OR51B5: variants seen among roughly 807,000 people sequenced by gnomAD.
OR51B5 encodes the protein olfactory receptor family 51 subfamily B member 5, also known as olfactory receptor 51B5.
For synonymous variants in OR51B5, 186 were observed against 144.8 expected, an observed-to-expected ratio of 1.28 and a Z score of -2.04; for missense variants, 456 against 374.6, an observed-to-expected ratio of 1.22 and a Z score of -1.79.
intron 1 of OR51B5, chr11:5,431,388 T>C: frequency 8.3e-6 from 2 of 240,444 alleles, no homozygotes; most frequent in Non-Finnish European, 1.6e-5. Context: ...GACGCCCACC[T>C]CAGTGACAGC....
At chr11:5,388,938 T>A (rs989199405) in intron 1 of OR51B5, among the ~76,000 whole-genome samples, 4 of 152,150 alleles carry the variant, frequency 2.6e-5, no homozygotes, top group Non-Finnish European at 5.9e-5. Context: ...AAACATGACA[T>A]TTGACTTGAG....
At chr11:5,477,944 G>A (rs1038372822) in intron 1 of OR51B5, among the ~76,000 whole-genome samples, 4 of 151,894 alleles carry the variant, frequency 2.6e-5, no homozygotes, top group South Asian at 2.1e-4. Context: ...AGGGGCGCCC[G>A]CCATTGCCCA....
Position 5,381,021 on chromosome 11 carries a change from C to T in OR51B5, n.85-34111G>A, listed in dbSNP as rs191505913. On this transcript the variant is annotated intron_variant and non_coding_transcript_variant, in intron 1 of 4. Transcript: ENST00000415970. ...GAAGGAATCTCCTACTTCACCAAGC[C>T]TGGCTCAGTGGGCTGGCTAGGTATC... 8.1e-3 allele frequency among the ~76,000 whole-genome samples: 1,231 copies of T among 152,200 alleles called. 9 individuals are homozygous for T. The highest frequency in any genetic ancestry group is 0.012 in the Non-Finnish European group (787 of 68,014).
downstream of OR51B5, among the ~76,000 whole-genome samples, chr11:5,341,586 A>G (rs1284886218): frequency 6.6e-6 from 1 of 152,228 alleles, no homozygotes; most frequent in Non-Finnish European, 1.5e-5. Context: ...TTCCTAACTC[A>G]TCAGACAATT....
rs779940856 is a variant in OR51B5 at position 5,422,592 on chromosome 11, C to CGAGG, written n.85-75683_85-75682insCCTC. 3.7e-6 allele frequency: 6 copies of CGAGG among 1,613,944 alleles called. No homozygotes were observed. The African/African-American group carries it at 6.7e-5, about 18-fold the overall frequency. On this transcript the variant is annotated intron_variant and non_coding_transcript_variant, in intron 1 of 4. Coordinates refer to the OR51B5 transcript ENST00000415970. ...GACTGCTATGTGGCCATCTGCTGTC[C>CGAGG]CCTCCATTATGCCTCCATCCTCACC...
chr11:5,455,565 G>GAC (rs1850940373), intron 1 of OR51B5: 1 of 11,106 alleles, frequency 9.0e-5, no homozygotes, highest in Non-Finnish European at 2.9e-4. Context: ...AAGAAGGGGG[G>GAC]AGAGAGAGAG....
At chr11:5,408,844 T>G (rs925645226) in intron 1 of OR51B5, among the ~76,000 whole-genome samples, 1 of 152,180 alleles carries the variant, frequency 6.6e-6, no homozygotes, top group Non-Finnish European at 1.5e-5. Flanking sequence ...CCCTACTTCC[T>G]GAAAGCATTT....
At position 5,403,867 on chromosome 11, in the gene OR51B5, A is replaced by C. The variant is rs551247296; in HGVS notation, n.85-56957T>G. ...TGAGGAAAAGGCACCTGGGAGTTAG[A>C]AGGTGTAATGGGAAATCTATTGAGC... On this transcript the variant is annotated intron_variant and non_coding_transcript_variant, in intron 1 of 4. Coordinates refer to the OR51B5 transcript ENST00000415970. Among the ~76,000 whole-genome samples, 7 of 152,206 alleles carry C rather than the reference A, an allele frequency of 4.6e-5. No homozygotes were observed. In the South Asian group the frequency reaches 1.5e-3, roughly 32 times the overall value.
chr11:5,349,946 CTTTA>C (rs1218169299), intron 1 of OR51B5, among the ~76,000 whole-genome samples: 12 of 151,986 alleles, frequency 7.9e-5, no homozygotes, highest in Admixed American at 5.9e-4. Flanking sequence ...AGTTTAATAT[CTTTA>C]TTTAAAGTCA....
At chr11:5,420,645 C>A (rs1377250646) in intron 1 of OR51B5, among the ~76,000 whole-genome samples, 1 of 130,276 alleles carries the variant, frequency 7.7e-6, no homozygotes, top group Admixed American at 7.6e-5. Flanking sequence ...TCTATTGCTG[C>A]TATTTACAAA....
chr11:5,343,831 GTTACC>G (rs1374706884), upstream of OR51B5, among the ~76,000 whole-genome samples: 8 of 152,236 alleles, frequency 5.3e-5, no homozygotes, highest in African/African-American at 1.7e-4. Flanking sequence ...CTTCTAAACT[GTTACC>G]CTTAACTATG....
chr11:5,349,128 C>T (rs1849036797), intron 1 of OR51B5, among the ~76,000 whole-genome samples: 1 of 152,100 alleles, frequency 6.6e-6, no homozygotes, highest in African/African-American at 2.4e-5. Flanking sequence ...GGGTGAATGG[C>T]TGCAGGGATG....
chr11:5,467,423 A>T (rs192364383), intron 1 of OR51B5, among the ~76,000 whole-genome samples: 74 of 152,348 alleles, frequency 4.9e-4, no homozygotes, highest in Admixed American at 1.4e-3. Flanking sequence ...CTATGAGGAA[A>T]AAAAATTATT....
intron 1 of OR51B5, among the ~76,000 whole-genome samples, chr11:5,478,148 A>T (rs910690947): frequency 6.6e-6 from 1 of 151,388 alleles, no homozygotes; most frequent in Non-Finnish European, 1.5e-5. Flanking sequence ...TTCTCCCAGC[A>T]AGCAGCTGGA....
intron 1 of OR51B5, chr11:5,440,637 A>G: frequency 3.7e-6 from 6 of 1,613,824 alleles, no homozygotes; most frequent in Non-Finnish European, 5.1e-6. Flanking sequence ...CACACTGTAG[A>G]TGATAGGGTT....
At chr11:5,406,169 C>A (rs1264438070) in intron 1 of OR51B5, among the ~76,000 whole-genome samples, 1 of 152,136 alleles carries the variant, frequency 6.6e-6, no homozygotes, top group Non-Finnish European at 1.5e-5. Flanking sequence ...AATTCTCAGC[C>A]TTCTTAAATA....
At chr11:5,374,328 C>T (rs971412590) in intron 1 of OR51B5, among the ~76,000 whole-genome samples, 11 of 152,154 alleles carry the variant, frequency 7.2e-5, no homozygotes, top group South Asian at 4.2e-4. Flanking sequence ...AAAAACCCAT[C>T]GGTACATCAC....
rs184162320 is a variant in OR51B5, at chr11:5,411,090, C to A, written n.85-64180G>T. The stretch of plus-strand genomic sequence containing the variant: ...CCAGTGTTTATAAAGTCCATAATAG[C>A]AAACAGTAATGTCCTAGGACTTTTC... On this transcript the variant is annotated intron_variant and non_coding_transcript_variant, in intron 1 of 4. Transcript: ENST00000415970. 3.3e-3 allele frequency among the ~76,000 whole-genome samples: 506 copies of A among 152,248 alleles called. 5 individuals are homozygous for A. Among genetic ancestry groups the A allele is most frequent in the African/African-American group, 0.012 (495 of 41,530 alleles).
At chr11:5,452,353 A>G (rs1463668997) in intron 1 of OR51B5, among the ~76,000 whole-genome samples, 1 of 151,936 alleles carries the variant, frequency 6.6e-6, no homozygotes, top group African/African-American at 2.4e-5. Flanking sequence ...AACTACAAAA[A>G]AAATTAGCCG....
Sources: gnomAD v4.1 joint callset for allele counts (sites outside exome capture counted in the v4.1 genomes callset) on GRCh38, gnomAD v4.1.1 for gene constraint, MANE v1.5 for transcripts, NCBI Gene and HGNC (gene_info 2026-07-23, HGNC 2026-07-21) for gene names.